Variants in EPB41L5 observed in about 807,000 individuals in gnomAD.
EPB41L5 encodes the protein band 4.1-like protein 5.
Under a neutral mutation model 106.6 loss-of-function variants are expected in EPB41L5, and 55 were observed. That is an observed-to-expected ratio of 0.52 (90% CI 0.42 to 0.65). The LOEUF is 0.65. Ranked by LOEUF, EPB41L5 falls within the 30% of genes least tolerant of loss-of-function variation. EPB41L5 has a pLI of 0.00. For synonymous variants in EPB41L5, 297 were observed against 306.7 expected, an observed-to-expected ratio of 0.97 and a Z score of 0.33; for missense variants, 871 against 882.1, an observed-to-expected ratio of 0.99 and a Z score of 0.16.
At chr2:120,043,957 G>A (rs1431253631) in intron 3 of EPB41L5, among the ~76,000 whole-genome samples, 1 of 151,912 alleles carries the variant, frequency 6.6e-6, no homozygotes, top group Non-Finnish European at 1.5e-5. Flanking sequence ...GACCAGCCTA[G>A]GCAATATTGC....
chr2:120,100,868 A>T (rs1265856894), intron 16 of EPB41L5, 54 bp downstream of exon 16: 1 of 1,206,534 alleles, frequency 8.3e-7, no homozygotes, highest in Non-Finnish European at 1.2e-6. Context: ...TTGTATTTGG[A>T]ATTCCAAGTC....
At chr2:120,160,090 A>G (rs775312976) in intron 20 of EPB41L5, among the ~76,000 whole-genome samples, 2 of 152,204 alleles carry the variant, frequency 1.3e-5, no homozygotes, top group Non-Finnish European at 2.9e-5. Flanking sequence ...GAGGAGGGAG[A>G]GGAGCACAAA....
At chr2:120,063,832 C>T (rs1283395826) in intron 3 of EPB41L5, among the ~76,000 whole-genome samples, 1 of 152,064 alleles carries the variant, frequency 6.6e-6, no homozygotes, top group African/African-American at 2.4e-5. Context: ...ATCCCAGCTA[C>T]TCAGGAGTCT....
intron 14 of EPB41L5, among the ~76,000 whole-genome samples, chr2:120,094,204 C>G (rs1298972262): frequency 6.6e-6 from 1 of 152,126 alleles, no homozygotes; most frequent in Non-Finnish European, 1.5e-5. Context: ...CCAGGCTGGT[C>G]TCAAACTCCT....
intron 14 of EPB41L5, among the ~76,000 whole-genome samples, chr2:120,093,501 A>G (rs1242605268): frequency 1.3e-5 from 2 of 152,262 alleles, no homozygotes. Flanking sequence ...TGAGCCATTC[A>G]TAAAGAGAAT....
rs780534040 is a variant in EPB41L5 at position 120,087,243 on chromosome 2, A to G, written c.873+3A>G. On this transcript the variant is annotated splice_donor_region_variant and intron_variant, in intron 11 of 24. Coordinates refer to ENST00000263713, the MANE Select transcript of EPB41L5 (RefSeq NM_020909.4). ...TGGTTGTAGAAGATGATGATCAGGTAGGAATAAAATTATATTCTATTACTT... is the reference window on the plus strand; with the variant it reads ...TGGTTGTAGAAGATGATGATCAGGTGGGAATAAAATTATATTCTATTACTT... 2 of 1,512,612 alleles carry G rather than the reference A, an allele frequency of 1.3e-6. No individual in the cohort carries two copies. The highest frequency in any genetic ancestry group is 2.3e-5 in the East Asian group (1 of 44,218). The allele number at this position is 1,512,612 out of a possible 1,614,324, so 93.7% of individuals were successfully genotyped here.
At position 120,127,797 on chromosome 2, in the gene EPB41L5, G is replaced by A. The variant is rs778893547; in HGVS notation, c.1447G>A (p.Val483Ile). Reference sequence around the variant, plus strand: ...GGAAACATCCCAAGCACTGAATGACGTTAATGTAGCCACCAGGCTTCCGGG... The same window carrying A: ...GGAAACATCCCAAGCACTGAATGACATTAATGTAGCCACCAGGCTTCCGGG... ...TMETSQALNDVNVATRLPGLG... is the reference protein window; with the variant it reads ...TMETSQALNDINVATRLPGLG... Residue 483 changes from valine (V) to isoleucine (I), a missense_variant, in exon 17 of 25, where the codon GTT becomes ATT. Val to Ile is a conservative substitution (Grantham distance 29). Transcript: ENST00000263713. 91 of 1,613,058 alleles carry A rather than the reference G, an allele frequency of 5.6e-5. No homozygotes were observed. The highest frequency in any genetic ancestry group is 1.2e-4 in the South Asian group (11 of 90,930).
chr2:120,041,475 C>G (rs928289006), intron 2 of EPB41L5, among the ~76,000 whole-genome samples: 1 of 152,148 alleles, frequency 6.6e-6, no homozygotes, highest in Non-Finnish European at 1.5e-5. Flanking sequence ...TTCTTATGCT[C>G]TCATATTCCC....
At chr2:120,161,308 G>A (rs1687131950) in intron 21 of EPB41L5, among the ~76,000 whole-genome samples, 1 of 151,784 alleles carries the variant, frequency 6.6e-6, no homozygotes, top group Non-Finnish European at 1.5e-5. Flanking sequence ...AGCCTGGGAG[G>A]TGGAGATTGC....
In EPB41L5 at chr2:120,164,794, T is replaced by G. The variant is rs199662386; in HGVS notation, c.1888-42T>G. On this transcript the variant is annotated intron_variant, in intron 21 of 24. Transcript: ENST00000263713. ...ATGGAAAAAACTTAACATCTGATGA[T>G]AAAGGGGTCATTTAACAATTCTAGA... The G allele has an allele frequency of 1.8e-5, 25 of 1,422,926 alleles. No individual in the cohort carries two copies. The East Asian group carries it at 5.5e-4, about 31-fold the overall frequency. The allele number at this position is 1,422,926 out of a possible 1,614,324, so 88.1% of individuals were successfully genotyped here.
intron 24 of EPB41L5, among the ~76,000 whole-genome samples, chr2:120,174,215 G>A (rs960213844): frequency 3.9e-5 from 6 of 152,184 alleles, no homozygotes; most frequent in African/African-American, 1.4e-4. Flanking sequence ...CAGCACTTTG[G>A]GAGGCTGAGG....
chr2:120,144,922 G>A (rs1345525182), intron 19 of EPB41L5, among the ~76,000 whole-genome samples: 1 of 152,110 alleles, frequency 6.6e-6, no homozygotes, highest in Non-Finnish European at 1.5e-5. Context: ...ATGTAGAAAA[G>A]CATTTCACAA....
intron 3 of EPB41L5, among the ~76,000 whole-genome samples, chr2:120,048,080 G>T (rs1240810247): frequency 2.6e-5 from 4 of 150,954 alleles, no homozygotes; most frequent in Non-Finnish European, 5.9e-5. Flanking sequence ...TTATTGAGGA[G>T]TTTTGCATTG....
At chr2:120,116,286 T>G (rs549940469) in intron 16 of EPB41L5, among the ~76,000 whole-genome samples, 3 of 152,188 alleles carry the variant, frequency 2.0e-5, no homozygotes, top group Non-Finnish European at 2.9e-5. Flanking sequence ...AACATAGATT[T>G]AAAATTTAGA....
At chr2:120,167,135 GAAAAT>G (rs1298707338) in intron 22 of EPB41L5, among the ~76,000 whole-genome samples, 1 of 152,152 alleles carries the variant, frequency 6.6e-6, no homozygotes, top group Admixed American at 6.5e-5. Flanking sequence ...TGAAATTTCA[GAAAAT>G]AAAATGTTAA....
chr2:120,082,615 C>T (rs1334696444), intron 10 of EPB41L5, among the ~76,000 whole-genome samples: 1 of 152,128 alleles, frequency 6.6e-6, no homozygotes, highest in African/African-American at 2.4e-5. Context: ...TGATGCTGGC[C>T]TCATAAAATG....
chr2:120,074,171 CTAACCCGG>C lies in EPB41L5; in HGVS notation c.404_407+4del. On this transcript the variant is annotated splice_donor_variant and coding_sequence_variant, in exon 5 of 25. Coordinates refer to ENST00000263713, the MANE Select transcript of EPB41L5 (RefSeq NM_020909.4). LOFTEE classifies it high-confidence loss of function. ...AGAACCAAATAACCTTCGTGAGGAG[CTAACCCGG>C]TAAGAACACCATCTAGAATTGTGCC... is the stretch of plus-strand genomic sequence containing the variant. 1 of 1,609,714 alleles carries C rather than the reference CTAACCCGG, an allele frequency of 6.2e-7. No individual in the cohort carries two copies.
intron 3 of EPB41L5, among the ~76,000 whole-genome samples, chr2:120,071,795 T>C (rs1681887517): frequency 6.6e-6 from 1 of 152,164 alleles, no homozygotes; most frequent in South Asian, 2.1e-4. Context: ...GATTAAAGAC[T>C]TAAACGTGTA....
intron 10 of EPB41L5, among the ~76,000 whole-genome samples, chr2:120,082,811 A>G (rs562776267): frequency 8.7e-4 from 132 of 152,264 alleles, no homozygotes; most frequent in South Asian, 1.9e-3. Context: ...CAGGGATTCA[A>G]CTGCTTCCTG....
Sources: gnomAD v4.1 joint callset for allele counts (sites outside exome capture counted in the v4.1 genomes callset) on GRCh38, gnomAD v4.1.1 for gene constraint, MANE v1.5 for transcripts, NCBI Gene and HGNC (gene_info 2026-07-23, HGNC 2026-07-21) for gene names.